ERI3: variants seen among roughly 807,000 people sequenced by gnomAD.
ERI3 encodes the protein ERI1 exoribonuclease 3.
ERI3 carries 18 observed loss-of-function variants against 44.4 expected under a neutral mutation model. The ratio of observed to expected loss-of-function variants is 0.41; its 90% CI spans 0.28 to 0.60. ERI3 has a LOEUF of 0.60. Ranked by LOEUF, ERI3 falls within the 20% of genes least tolerant of loss-of-function variation. The probability of loss-of-function intolerance (pLI) is 0.36; values close to 1 mark genes in which losing one functional copy is unlikely to be tolerated. For missense variants in ERI3, 294 were observed against 435.5 expected (o/e 0.68, Z 2.89); for synonymous variants, 183 against 164.8 (o/e 1.11, Z -0.84).
intron 2 of ERI3, among the ~76,000 whole-genome samples, chr1:44,342,128 G>A (rs1301437449): frequency 6.6e-6 from 1 of 152,146 alleles, no homozygotes; most frequent in Non-Finnish European, 1.5e-5. Flanking sequence ...ATCTACAACG[G>A]GTGGAGTAGG....
chr1:44,319,255 A>C (rs1286622323), intron 4 of ERI3, among the ~76,000 whole-genome samples: 1 of 152,268 alleles, frequency 6.6e-6, no homozygotes, highest in Non-Finnish European at 1.5e-5. Flanking sequence ...AAAGCTAAGA[A>C]GGCCTGAACA....
rs1009864154 is a variant in ERI3 at position 44,221,104 on chromosome 1, C to T, written c.*454G>A. Reference sequence around the variant, plus strand: ...ACACACACCCAGTGCCTCGTTTCCCCGACTTTATTCAGTGGCACGTTCACA... The same window carrying T: ...ACACACACCCAGTGCCTCGTTTCCCTGACTTTATTCAGTGGCACGTTCACA... On this transcript the variant is annotated 3_prime_UTR_variant, in exon 9 of 9. Transcript: ENST00000372257. The surrounding 1 kb of genome is among the most constrained non-coding windows in gnomAD (Gnocchi z 5.9). The T allele has an allele frequency of 3.0e-5, 8 of 263,836 alleles. No individual in the cohort carries two copies. The highest frequency in any genetic ancestry group is 8.9e-5 in the African/African-American group (4 of 45,140). The allele number at this position is 263,836 out of a possible 1,614,324, so 16.3% of individuals were successfully genotyped here.
chr1:44,263,217 G>C (rs887643454), intron 7 of ERI3, among the ~76,000 whole-genome samples: 4 of 152,144 alleles, frequency 2.6e-5, no homozygotes, highest in Non-Finnish European at 2.9e-5. Context: ...AAAGGGAGGG[G>C]GAAGAATGAT....
chr1:44,311,365 C>A (rs1320733125), intron 5 of ERI3, among the ~76,000 whole-genome samples: 2 of 152,054 alleles, frequency 1.3e-5, no homozygotes, highest in Non-Finnish European at 2.9e-5. Flanking sequence ...TGGCTGCCTG[C>A]TAAGGGCCTT....
chr1:44,233,707 C>T (rs1378912654), intron 8 of ERI3, among the ~76,000 whole-genome samples: 3 of 152,184 alleles, frequency 2.0e-5, no homozygotes, highest in African/African-American at 7.2e-5. Context: ...TTTTCTTCTG[C>T]ATTGGTTCCT....
At chr1:44,243,753 C>T (rs187373484) in intron 8 of ERI3, 107 of 152,270 alleles carry the variant, frequency 7.0e-4, no homozygotes, top group African/African-American at 2.3e-3. Flanking sequence ...CTGCTGCTAC[C>T]GAAGGTCTGT....
chr1:44,342,853 ATATATTTTTTTTTTTTT>A (rs1646707530), intron 2 of ERI3, among the ~76,000 whole-genome samples: 1 of 32,458 alleles, frequency 3.1e-5, no homozygotes, highest in Admixed American at 4.5e-4. Context: ...ATATATATAT[ATATATTTTTTTTTTTTT>A]TTTTTTTTTT....
intron 6 of ERI3, among the ~76,000 whole-genome samples, chr1:44,299,631 C>A (rs571079342): frequency 6.6e-6 from 1 of 152,140 alleles, no homozygotes; most frequent in Non-Finnish European, 1.5e-5. Flanking sequence ...AAAGGTCTTC[C>A]AGCCTTCACT....
rs1644690977 is a variant in ERI3 at position 44,252,057 on chromosome 1, C to A, written c.832-4019G>T. 6.6e-6 allele frequency among the ~76,000 whole-genome samples: 1 copy of A among 152,250 alleles called. No individual in the cohort carries two copies. The highest frequency in any genetic ancestry group is 2.1e-4 in the South Asian group (1 of 4,836). On this transcript the variant is annotated intron_variant, in intron 7 of 8. Coordinates refer to ENST00000372257, the MANE Select transcript of ERI3 (RefSeq NM_024066.3). The surrounding 1 kb of genome is among the most constrained non-coding windows in gnomAD (Gnocchi z 4.7). ...CTGCATCTCTCTCAGCCATCAGGGT[C>A]CACCTGCCCAGCTATGCACAGTCAG...
chr1:44,254,284 C>G (rs1644740185), intron 7 of ERI3, among the ~76,000 whole-genome samples: 1 of 152,204 alleles, frequency 6.6e-6, no homozygotes, highest in Non-Finnish European at 1.5e-5. Flanking sequence ...TGTTATCACC[C>G]AGAACTGCCC....
rs1259856101 is a variant in ERI3 at position 44,241,619 on chromosome 1, C to T, written c.931+6320G>A. ...CCAGGGGTCAGGGCGCTGACATCCC[C>T]GCAGAGTCTATCTGCAAGTGCTAAT... On this transcript the variant is annotated intron_variant, in intron 8 of 8. Transcript: ENST00000372257. This position sits in a 1 kb window ranked among gnomAD's most constrained non-coding sequence, Gnocchi z 5.6. 6.6e-6 allele frequency among the ~76,000 whole-genome samples: 1 copy of T among 152,130 alleles called. No individual in the cohort carries two copies. Among genetic ancestry groups the T allele is most frequent in the Non-Finnish European group, 1.5e-5 (1 of 68,036 alleles).
intron 8 of ERI3, among the ~76,000 whole-genome samples, chr1:44,237,501 G>A (rs1644331640): frequency 6.6e-6 from 1 of 152,182 alleles, no homozygotes; most frequent in Non-Finnish European, 1.5e-5. Flanking sequence ...TTTTCAAGAG[G>A]AAGAAACATC....
At chr1:44,344,914 C>T (rs1051700308) in intron 2 of ERI3, among the ~76,000 whole-genome samples, 8 of 152,314 alleles carry the variant, frequency 5.3e-5, no homozygotes, top group Admixed American at 2.6e-4. Flanking sequence ...GGGACTGCCA[C>T]GGGGCCAGCC....
intron 6 of ERI3, among the ~76,000 whole-genome samples, chr1:44,298,591 G>T (rs898016664): frequency 6.6e-6 from 1 of 152,102 alleles, no homozygotes; most frequent in Non-Finnish European, 1.5e-5. Context: ...CAATGCACAG[G>T]AATCTCCTAT....
At chr1:44,319,320 G>A (rs1646152656) in intron 4 of ERI3, among the ~76,000 whole-genome samples, 3 of 152,218 alleles carry the variant, frequency 2.0e-5, no homozygotes, top group Admixed American at 2.0e-4. Flanking sequence ...GGGCCCTAAG[G>A]AAAACTGAAC....
At chr1:44,344,089 AT>A (rs1411024132) in intron 2 of ERI3, among the ~76,000 whole-genome samples, 1 of 151,962 alleles carries the variant, frequency 6.6e-6, no homozygotes, top group Non-Finnish European at 1.5e-5. Context: ...AAATACAAAA[AT>A]TAGCCAGGCA....
intron 4 of ERI3, among the ~76,000 whole-genome samples, chr1:44,318,233 G>A (rs1251328566): frequency 6.6e-6 from 1 of 152,178 alleles, no homozygotes. Context: ...TCCTAAACAG[G>A]TAGCAAACTT....
intron 6 of ERI3, among the ~76,000 whole-genome samples, chr1:44,290,691 C>T (rs1645488287): frequency 6.6e-6 from 1 of 152,150 alleles, no homozygotes. Flanking sequence ...CTCCTGTTTC[C>T]ATTCCCCCAC....
chr1:44,343,773 T>G (rs172853), intron 2 of ERI3, among the ~76,000 whole-genome samples: 109,500 of 151,988 alleles, frequency 0.72, 39,524 homozygotes, highest in East Asian at 0.81. Context: ...TGGTTGTATT[T>G]TGACTAGGTA....
Sources: allele counts gnomAD v4.1 joint callset (sites outside exome capture counted in the v4.1 genomes callset), GRCh38; gene constraint gnomAD v4.1.1; non-coding constraint Gnocchi (gnomAD v3.1); transcripts MANE v1.5; gene names NCBI Gene and HGNC (gene_info 2026-07-23, HGNC 2026-07-21).